The following PRR5L variants were observed in gnomAD, a reference collection of about 807,000 sequenced individuals.
PRR5L encodes proline rich 5 like.
PRR5L carries 21 observed loss-of-function variants against 36.4 expected under a neutral mutation model. The ratio of observed to expected loss-of-function variants is 0.58; its 90% CI spans 0.41 to 0.83. The LOEUF (loss-of-function observed/expected upper bound fraction) is 0.83. PRR5L is among the 40% of genes least tolerant of loss of function. The pLI is 0.00. For missense variants in PRR5L, 381 were observed against 473.3 expected (o/e 0.80, Z 1.81); for synonymous variants, 188 against 197.0 (o/e 0.95, Z 0.38).
intron 8 of PRR5L, among the ~76,000 whole-genome samples, chr11:36,454,426 A>G (rs331470): frequency 1 from 152,065 of 152,286 alleles, 75,924 homozygotes; most frequent in East Asian, 1. Flanking sequence ...CTGTGGGAGG[A>G]GAGCATTGAG....
At chr11:36,328,225 A>G (rs1181854529) in intron 1 of PRR5L, among the ~76,000 whole-genome samples, 1 of 152,198 alleles carries the variant, frequency 6.6e-6, no homozygotes, top group African/African-American at 2.4e-5. Context: ...AATGACTTTT[A>G]GGAAAGATAA....
rs1859225564 is a variant in PRR5L at position 36,463,059 on chromosome 11, T to A, written c.*323T>A. The A allele has an allele frequency of 3.8e-6, 1 of 261,864 alleles. No individual in the cohort carries two copies. Among genetic ancestry groups the A allele is most frequent in the Non-Finnish European group, 7.2e-6 (1 of 138,668 alleles). 16.2% of individuals were successfully genotyped at this position (261,864 alleles called of 1,614,324 possible). Reference sequence around the variant, plus strand: ...ATGTTGGACTGCCTGATGCTCCCAATGACATATCCAATGCTCCTGGCATTT... The same window carrying A: ...ATGTTGGACTGCCTGATGCTCCCAAAGACATATCCAATGCTCCTGGCATTT... On this transcript the variant is annotated 3_prime_UTR_variant, in exon 9 of 9. Transcript: ENST00000530639.
At chr11:36,297,573 C>G (rs1441869560) in intron 1 of PRR5L, 1 of 152,278 alleles carries the variant, frequency 6.6e-6, no homozygotes, top group East Asian at 1.9e-4. Flanking sequence ...ATCATTGTCC[C>G]TAATTTTTTT....
intron 1 of PRR5L, among the ~76,000 whole-genome samples, chr11:36,320,525 G>A (rs897987171): frequency 8.5e-5 from 13 of 152,154 alleles, no homozygotes; most frequent in Admixed American, 3.9e-4. Context: ...TCTGTGCCCT[G>A]TGGCTTATCT....
chr11:36,296,756 CTA>C (rs1306233169), intron 1 of PRR5L, among the ~76,000 whole-genome samples: 1 of 152,192 alleles, frequency 6.6e-6, no homozygotes, highest in Admixed American at 6.5e-5. Flanking sequence ...AGCTCTTTCT[CTA>C]TGTATTGCAT....
chr11:36,447,888 AG>A (rs1463396073), intron 7 of PRR5L, among the ~76,000 whole-genome samples: 1 of 152,190 alleles, frequency 6.6e-6, no homozygotes, highest in Non-Finnish European at 1.5e-5. Context: ...CTCGGGTCTG[AG>A]AAGCCTTAAT....
intron 2 of PRR5L, among the ~76,000 whole-genome samples, chr11:36,401,791 C>T (rs1857803839): frequency 6.6e-6 from 1 of 152,072 alleles, no homozygotes; most frequent in Non-Finnish European, 1.5e-5. Flanking sequence ...GTTTCAGTAG[C>T]CAGAAAATAG....
At chr11:36,435,509 G>A (rs919570013) in intron 5 of PRR5L, among the ~76,000 whole-genome samples, 5 of 152,164 alleles carry the variant, frequency 3.3e-5, no homozygotes, top group Non-Finnish European at 7.3e-5. Context: ...ATAAACAGAA[G>A]TAGGTTAGGT....
chr11:36,388,859 C>T (rs1269373110), intron 1 of PRR5L, among the ~76,000 whole-genome samples: 2 of 152,028 alleles, frequency 1.3e-5, no homozygotes, highest in African/African-American at 2.4e-5. Context: ...CCACCAAGCC[C>T]GGCTGATTTT....
intron 3 of PRR5L, among the ~76,000 whole-genome samples, chr11:36,404,928 G>A (rs937782887): frequency 2.6e-5 from 4 of 152,182 alleles, no homozygotes; most frequent in African/African-American, 7.2e-5. Context: ...CAACACACAC[G>A]TTGCGAAGTT....
At chr11:36,397,443 CTTTTTTTTTTT>C (rs34024197) in intron 1 of PRR5L, among the ~76,000 whole-genome samples, 55 of 35,116 alleles carry the variant, frequency 1.6e-3, no homozygotes, top group African/African-American at 6.0e-3. Flanking sequence ...CAGCCGATGC[CTTTTTTTTTTT>C]TTTTTTTTTT....
chr11:36,428,493 G>A (rs554288902), intron 4 of PRR5L, among the ~76,000 whole-genome samples: 19 of 152,276 alleles, frequency 1.2e-4, no homozygotes, highest in African/African-American at 3.9e-4. Flanking sequence ...GCTGTGGCTC[G>A]GTTGTTGGAG....
At chr11:36,446,509 A>C (rs1348718834) in intron 7 of PRR5L, 69 bp downstream of exon 7, 1 of 1,586,404 alleles carries the variant, frequency 6.3e-7, no homozygotes, top group Admixed American at 1.7e-5. Flanking sequence ...CCTTTCTGAG[A>C]TGAGGGGGAA....
intron 4 of PRR5L, among the ~76,000 whole-genome samples, chr11:36,421,913 CTAGGGATGCTGACTAGT>C (rs1266815955): frequency 6.6e-6 from 1 of 152,172 alleles, no homozygotes; most frequent in Non-Finnish European, 1.5e-5. Context: ...GTGTCTTCAG[CTAGGGATGCTGACTAGT>C]TAGGATTTCT....
chr11:36,445,584 AC>A (rs537829738), intron 6 of PRR5L, among the ~76,000 whole-genome samples: 67 of 152,274 alleles, frequency 4.4e-4, no homozygotes, highest in Middle Eastern at 3.4e-3. Flanking sequence ...TGGGTTTGAA[AC>A]GCAGCTGTAC....
In PRR5L at chr11:36,356,755, T is replaced by C. The variant is rs1363074556; in HGVS notation, c.-125-44242T>C. On this transcript the variant is annotated intron_variant, in intron 1 of 8. Coordinates refer to ENST00000530639, the MANE Select transcript of PRR5L (RefSeq NM_001160167.2). ...TGGCACACTTAATCCATAACTGTTATATGCATTCTGATTGCTCCATTAAGT... is the reference window on the plus strand; with the variant it reads ...TGGCACACTTAATCCATAACTGTTACATGCATTCTGATTGCTCCATTAAGT... Among the ~76,000 whole-genome samples the C allele has an allele frequency of 2.6e-5, 4 of 152,364 alleles. No homozygotes were observed. The South Asian group carries it at 6.2e-4, about 24-fold the overall frequency.
chr11:36,417,754 T>C (rs1020632291), intron 3 of PRR5L, among the ~76,000 whole-genome samples: 1 of 152,408 alleles, frequency 6.6e-6, no homozygotes, highest in South Asian at 2.1e-4. Context: ...AACATCTTGC[T>C]GTAACCTCCT....
At position 36,451,306 on chromosome 11, in the gene PRR5L, G is replaced by A. The variant is rs139615295; in HGVS notation, c.683G>A (p.Arg228His). Residue 228 changes from arginine to histidine, a missense_variant, in exon 8 of 9, where the codon CGT (arginine) becomes CAT (histidine). Transcript: ENST00000530639. ...VSPFLGISGD[R>H]SFSGPTYTLA... is the part of the protein sequence containing the mutation. ...CCTTTCCTCGGCATCAGCGGGGACC[G>A]TAGCTTCTCAGGCCCCACGTACACG... The A allele has an allele frequency of 1.3e-4, 202 of 1,614,052 alleles. No individual in the cohort carries two copies. The highest frequency in any genetic ancestry group is 1.6e-4 in the Non-Finnish European group (187 of 1,180,042).
intron 6 of PRR5L, among the ~76,000 whole-genome samples, chr11:36,441,980 G>A (rs1056914874): frequency 6.6e-6 from 1 of 152,132 alleles, no homozygotes; most frequent in African/African-American, 2.4e-5. Flanking sequence ...CATCCCCTGA[G>A]CGTGGCCTCC....
Sources: allele counts gnomAD v4.1 joint callset (sites outside exome capture counted in the v4.1 genomes callset), GRCh38; gene constraint gnomAD v4.1.1; transcripts MANE v1.5; gene names NCBI Gene and HGNC (gene_info 2026-07-23, HGNC 2026-07-21).